The following SLC8A1 variants were observed in gnomAD, a reference collection of about 807,000 sequenced individuals.
The protein encoded by SLC8A1 is sodium/calcium exchanger 1.
Under a neutral mutation model 68.3 loss-of-function variants are expected in SLC8A1, and 18 were observed. The observed-to-expected ratio is 0.26, with a 90% confidence interval of 0.18 to 0.39. SLC8A1 has a LOEUF of 0.39. Among genes scored for constraint, SLC8A1 ranks in the 10% least tolerant of loss-of-function variants. The pLI, the probability that SLC8A1 is intolerant of heterozygous loss-of-function variation, is 1.00. For synonymous variants in SLC8A1, 475 were observed against 415.5 expected (o/e 1.14, Z -1.74); for missense variants, 985 against 1,156.7 (o/e 0.85, Z 2.15).
rs6544332 is a variant in SLC8A1 at position 40,366,723 on chromosome 2, T to C, written c.1808+61750A>G. ...TACCTTCTTTACTATCTCTGTTCCA[T>C]ACAGAGATATGATCTCCCTACAATG... On this transcript the variant is annotated intron_variant, in intron 2 of 7. Transcript: ENST00000406785. 4.9e-3 allele frequency among the ~76,000 whole-genome samples: 742 copies of C among 151,922 alleles called. 7 individuals carry two copies. The highest frequency in any genetic ancestry group is 0.016 in the African/African-American group (655 of 41,532).
chr2:40,301,056 A>C (rs2071368274), intron 2 of SLC8A1, among the ~76,000 whole-genome samples: 2 of 152,176 alleles, frequency 1.3e-5, no homozygotes, highest in South Asian at 4.1e-4. Flanking sequence ...AAAACGTTCA[A>C]GGAAGTTCAG....
intron 2 of SLC8A1, among the ~76,000 whole-genome samples, chr2:40,288,474 T>C (rs866635533): frequency 8.5e-5 from 13 of 152,066 alleles, no homozygotes; most frequent in Middle Eastern, 3.4e-3. Flanking sequence ...TGGCTAATAT[T>C]CTCCCCAGCC....
intron 2 of SLC8A1, among the ~76,000 whole-genome samples, chr2:40,211,228 T>A (rs1045592557): frequency 6.6e-6 from 1 of 152,230 alleles, no homozygotes; most frequent in African/African-American, 2.4e-5. Context: ...GATCTGAAAC[T>A]CATGTACGTT....
chr2:40,354,582 C>T (rs1672108484), intron 2 of SLC8A1, among the ~76,000 whole-genome samples: 1 of 152,158 alleles, frequency 6.6e-6, no homozygotes, highest in African/African-American at 2.4e-5. Context: ...GTGAAGGTGA[C>T]TCTACAGAGC....
In SLC8A1 at chr2:40,416,198, G is replaced by A. The variant is rs140502102; in HGVS notation, c.1808+12275C>T. Among the ~76,000 whole-genome samples the A allele has an allele frequency of 6.5e-3, 987 of 151,952 alleles. 14 individuals carry two copies. The highest frequency in any genetic ancestry group is 0.023 in the African/African-American group (936 of 41,434). Reference sequence around the variant, plus strand: ...AGTGCCCTCTTTTACTCACAAAAGTGCTCTGATTTGGACAATAAGTTATAT... The same window carrying A: ...AGTGCCCTCTTTTACTCACAAAAGTACTCTGATTTGGACAATAAGTTATAT... On this transcript the variant is annotated intron_variant, in intron 2 of 7. Transcript: ENST00000406785.
At chr2:40,375,790 CTCG>C (rs1679644829) in intron 2 of SLC8A1, among the ~76,000 whole-genome samples, 1 of 152,020 alleles carries the variant, frequency 6.6e-6, no homozygotes, top group African/African-American at 2.4e-5. Flanking sequence ...ATTGCTTGAG[CTCG>C]AAAGTTGAAG....
At chr2:40,213,366 C>G (rs1042251775) in intron 2 of SLC8A1, 1 of 152,122 alleles carries the variant, frequency 6.6e-6, no homozygotes, top group Non-Finnish European at 1.5e-5. Context: ...CCAGAACCAC[C>G]AACTAACCAC....
intron 1 of SLC8A1, among the ~76,000 whole-genome samples, chr2:40,492,171 G>T (rs1170272059): frequency 6.6e-6 from 1 of 151,966 alleles, no homozygotes; most frequent in African/African-American, 2.4e-5. Context: ...ACAGAACAGA[G>T]CCCTCAGAAA....
At chr2:40,504,430 C>T (rs1295793250) in intron 1 of SLC8A1, among the ~76,000 whole-genome samples, 9 of 151,974 alleles carry the variant, frequency 5.9e-5, no homozygotes. Flanking sequence ...CCCACAAGCA[C>T]AGGCAACCAA....
chr2:40,481,259 A>G (rs1478637808), intron 1 of SLC8A1, among the ~76,000 whole-genome samples: 1 of 152,230 alleles, frequency 6.6e-6, no homozygotes, highest in Non-Finnish European at 1.5e-5. Context: ...ATATCTTACT[A>G]TAGCTTTCTA....
chr2:40,390,256 T>A (rs1221105399), intron 2 of SLC8A1, among the ~76,000 whole-genome samples: 1 of 152,150 alleles, frequency 6.6e-6, no homozygotes, highest in Admixed American at 6.6e-5. Context: ...AGGAGCAGAT[T>A]CTGTTCAGCT....
exon 1 of SLC8A1, chr2:40,451,954 G>A (rs1042095357): frequency 1.3e-5 from 2 of 152,020 alleles, no homozygotes; most frequent in South Asian, 2.1e-4. Flanking sequence ...CACGCTAGTA[G>A]AAAATACGGC....
intron 1 of SLC8A1, among the ~76,000 whole-genome samples, chr2:40,494,640 A>AATATATATATAT (rs34595267): frequency 2.1e-4 from 19 of 92,650 alleles, no homozygotes; most frequent in East Asian, 3.0e-4. Context: ...CTTAAAGTAT[A>AATATATATATAT]ATATATATAT....
intron 2 of SLC8A1, among the ~76,000 whole-genome samples, chr2:40,358,670 T>C (rs1326765914): frequency 6.6e-6 from 1 of 152,242 alleles, no homozygotes; most frequent in African/African-American, 2.4e-5. Flanking sequence ...ATTAATTCAC[T>C]CATTCAACAA....
chr2:40,133,471 G>A (rs994959362), intron 7 of SLC8A1, among the ~76,000 whole-genome samples: 10 of 151,254 alleles, frequency 6.6e-5, no homozygotes, highest in African/African-American at 2.4e-4. Context: ...AATAATTCAT[G>A]TTTGACAGAA....
intron 2 of SLC8A1, among the ~76,000 whole-genome samples, chr2:40,284,328 T>C (rs2067949813): frequency 6.9e-6 from 1 of 145,732 alleles, no homozygotes; most frequent in Non-Finnish European, 1.5e-5. Context: ...TTGACATATA[T>C]ATAGATCTCT....
intron 2 of SLC8A1, among the ~76,000 whole-genome samples, chr2:40,252,634 G>A (rs1015177512): frequency 5.3e-5 from 8 of 152,048 alleles, no homozygotes; most frequent in South Asian, 2.1e-4. Flanking sequence ...GAGCAATCAC[G>A]CCCGGCCAAG....
At chr2:40,446,225 G>A (rs182056722) in intron 1 of SLC8A1, among the ~76,000 whole-genome samples, 3 of 152,284 alleles carry the variant, frequency 2.0e-5, no homozygotes, top group East Asian at 3.9e-4. Context: ...ACCTCTGACT[G>A]GTATAGCCTC....
intron 2 of SLC8A1, among the ~76,000 whole-genome samples, chr2:40,181,320 A>ATTTG (rs895259336): frequency 3.5e-4 from 54 of 152,354 alleles, no homozygotes; most frequent in African/African-American, 1.3e-3. Context: ...GCTCCACACA[A>ATTTG]TTTGTTTGCA....
Sources: gnomAD v4.1 joint callset for allele counts (sites outside exome capture counted in the v4.1 genomes callset) on GRCh38, gnomAD v4.1.1 for gene constraint, MANE v1.5 for transcripts, NCBI Gene and HGNC (gene_info 2026-07-23, HGNC 2026-07-21) for gene names.